Variants in CELSR1 observed in about 807,000 individuals in gnomAD.
CELSR1 encodes the protein adhesion G protein-coupled receptor C1.
A neutral mutation model predicts 249.1 loss-of-function variants in CELSR1; 110 were observed. That is an observed-to-expected ratio of 0.44 (90% CI 0.38 to 0.52). The LOEUF (loss-of-function observed/expected upper bound fraction) is 0.52. Among genes scored for constraint, CELSR1 ranks in the 20% least tolerant of loss-of-function variants. The pLI is 0.00. For missense variants in CELSR1, 4,109 were observed against 4,296.4 expected (o/e 0.96, Z 1.22); for synonymous variants, 2,113 against 1,900.0 (o/e 1.11, Z -2.92).
rs1178154086 is a variant in CELSR1, at chr22:46,472,442, T to C, written c.3545-8097A>G. On this transcript the variant is annotated intron_variant, in intron 1 of 34. Transcript: ENST00000674500. The surrounding 1 kb of genome is among the most constrained non-coding windows in gnomAD (Gnocchi z 7.0). ...ACAGTGCCGCAGTTCCGAGACTCGGTGGCAGGTGATTGGCGGCTGTGGGTG... is the reference window on the plus strand; with the variant it reads ...ACAGTGCCGCAGTTCCGAGACTCGGCGGCAGGTGATTGGCGGCTGTGGGTG... Among the ~76,000 whole-genome samples, 2 of 151,970 alleles carry C rather than the reference T, an allele frequency of 1.3e-5. No homozygotes were observed. The highest frequency in any genetic ancestry group is 1.5e-5 in the Non-Finnish European group (1 of 67,992).
intron 25 of CELSR1, chr22:46,370,044 G>T (rs1397255014): frequency 3.3e-6 from 2 of 603,504 alleles, no homozygotes; most frequent in Admixed American, 4.3e-5. Flanking sequence ...TGAGGCAGGG[G>T]GCGTATCTGG....
chr22:46,450,906 G>A (rs1299865596), intron 2 of CELSR1, among the ~76,000 whole-genome samples: 1 of 152,238 alleles, frequency 6.6e-6, no homozygotes, highest in Non-Finnish European at 1.5e-5. Context: ...ACAGGCTGAT[G>A]TGAGTGAAAC....
In CELSR1 at chr22:46,513,952, AC is replaced by A. The variant is rs571357348; in HGVS notation, c.3544+19674del. Among the ~76,000 whole-genome samples the A allele has an allele frequency of 2.3e-3, 355 of 151,688 alleles. 1 individual carries two copies. Among genetic ancestry groups the A allele is most frequent in the African/African-American group, 8.2e-3 (339 of 41,314 alleles). ...TGGGACTACAGGTGCACGCATCCAC[AC>A]CCAGCTAATTTTTGTATTCTTAGTA... On this transcript the variant is annotated intron_variant, in intron 1 of 34. Transcript: ENST00000674500.
intron 33 of CELSR1, 90 bp from the exon 34 acceptor site, chr22:46,364,341 C>T: frequency 6.5e-7 from 1 of 1,549,670 alleles, no homozygotes; most frequent in South Asian, 1.2e-5. Flanking sequence ...GCCTCAGCCC[C>T]TGTCCTTCCT....
chr22:46,472,395 G>A lies in CELSR1; in HGVS notation c.3545-8050C>T, dbSNP rs1477479765. Among the ~76,000 whole-genome samples the A allele has an allele frequency of 6.6e-6, 1 of 152,202 alleles. No homozygotes were observed. The highest frequency in any genetic ancestry group is 6.5e-5 in the Admixed American group (1 of 15,282). On this transcript the variant is annotated intron_variant, in intron 1 of 34. Transcript: ENST00000674500. The surrounding 1 kb of genome is among the most constrained non-coding windows in gnomAD (Gnocchi z 7.0). ...GTCACATCATGGCCCTCAAGGAGCA[G>A]GCAGCCCTCAGGGGACAGGGGACAG... is the stretch of plus-strand genomic sequence containing the variant.
chr22:46,504,973 C>T (rs1222606892), intron 1 of CELSR1, among the ~76,000 whole-genome samples: 1 of 152,152 alleles, frequency 6.6e-6, no homozygotes, highest in African/African-American at 2.4e-5. Flanking sequence ...CTCAAAAGAG[C>T]AAGGAAAGGC....
chr22:46,410,605 G>C lies in CELSR1; in HGVS notation c.4770-44C>G, dbSNP rs375429921. ...CTTCTGTGACGTCAGGGCGGGGAGA[G>C]GCGGCCACGGCGGGCTGGGCTCCGC... On this transcript the variant is annotated intron_variant, in intron 6 of 34. Transcript: ENST00000674500. The surrounding 1 kb of genome is among the most constrained non-coding windows in gnomAD (Gnocchi z 6.8). The C allele has an allele frequency of 4.6e-5, 74 of 1,596,250 alleles. No individual in the cohort carries two copies. Among genetic ancestry groups the C allele is most frequent in the Middle Eastern group, 1.7e-4 (1 of 6,020 alleles).
Position 46,423,758 on chromosome 22 carries a change from G to C in CELSR1, c.4611+9635C>G, listed in dbSNP as rs2079506265. 6.6e-6 allele frequency among the ~76,000 whole-genome samples: 1 copy of C among 151,920 alleles called. No homozygotes were observed. Reference sequence around the variant, plus strand: ...AGGCTGAGGCAGTTGGATCACCTGAGGTCAGGAGTTCGAGACCAGCCTGGC... The same window carrying C: ...AGGCTGAGGCAGTTGGATCACCTGACGTCAGGAGTTCGAGACCAGCCTGGC... On this transcript the variant is annotated intron_variant, in intron 5 of 34. Transcript: ENST00000674500. The surrounding 1 kb of genome is among the most constrained non-coding windows in gnomAD (Gnocchi z 5.6).
intron 9 of CELSR1, among the ~76,000 whole-genome samples, chr22:46,403,221 C>T (rs2079226535): frequency 6.6e-6 from 1 of 152,038 alleles, no homozygotes; most frequent in Admixed American, 6.6e-5. Flanking sequence ...TAACTTCTCT[C>T]AGTAAGTGAG....
chr22:46,427,604 T>C lies in CELSR1; in HGVS notation c.4611+5789A>G, dbSNP rs770601122. Among the ~76,000 whole-genome samples the C allele has an allele frequency of 1.3e-5, 2 of 152,126 alleles. No homozygotes were observed. Among genetic ancestry groups the C allele is most frequent in the Non-Finnish European group, 2.9e-5 (2 of 68,020 alleles). ...CTAGTAACAAGATCCTGGGAGCTCC[T>C]CCCCTCATCACCGCACAGAACCCCA... On this transcript the variant is annotated intron_variant, in intron 5 of 34. Transcript: ENST00000674500. This position sits in a 1 kb window ranked among gnomAD's most constrained non-coding sequence, Gnocchi z 4.2.
At chr22:46,416,297 C>T (rs142696025) in intron 5 of CELSR1, among the ~76,000 whole-genome samples, 6 of 152,354 alleles carry the variant, frequency 3.9e-5, no homozygotes, top group African/African-American at 9.6e-5. Flanking sequence ...AAGGCCAGCA[C>T]GGTGGAGGCC....
intron 1 of CELSR1, among the ~76,000 whole-genome samples, chr22:46,495,708 T>C (rs1329735356): frequency 1.3e-5 from 2 of 152,022 alleles, no homozygotes; most frequent in Non-Finnish European, 2.9e-5. Context: ...CCCAGCTACT[T>C]GGAGGCTGAG....
intron 1 of CELSR1, among the ~76,000 whole-genome samples, chr22:46,507,434 C>T (rs540946839): frequency 9.9e-5 from 15 of 152,124 alleles, no homozygotes; most frequent in East Asian, 5.8e-4. Flanking sequence ...CACAGCACCC[C>T]GAGCAGCTGC....
At position 46,409,004 on chromosome 22, in the gene CELSR1, G is replaced by A. The variant is rs150965232; in HGVS notation, c.5218C>T (p.Arg1740Cys). ...CACGGGGCCCCAGTCACCTGGAGGC[G>A]AAAGCTGGTGGGCCCACCACTGGTG... The part of the protein sequence containing the change: ...EATSGGPTSF[R>C]LQILNNYLQF... The change falls in exon 9 of 35, where the codon CGC becomes TGC. Residue 1740 changes from arginine (R) to cysteine (C), a missense_variant. Coordinates refer to ENST00000674500, the MANE Select transcript of CELSR1 (RefSeq NM_001378328.1). The surrounding 1 kb of genome is among the most constrained non-coding windows in gnomAD (Gnocchi z 9.8). 8.0e-5 allele frequency: 128 copies of A among 1,606,630 alleles called. No homozygotes were observed. Among genetic ancestry groups the A allele is most frequent in the Non-Finnish European group, 5.6e-5 (66 of 1,177,326 alleles).
At position 46,523,527 on chromosome 22, in the gene CELSR1, C is replaced by CAAATAAATAAATAAATAAATAAAT. The variant is rs35618954; in HGVS notation, c.3544+10076_3544+10099dup. ...TGGGTGCCAGAGTGAGACTCTGTCT[C>CAAATAAATAAATAAATAAATAAAT]AAATAAATAAATAAATAAATAAATA... On this transcript the variant is annotated intron_variant, in intron 1 of 34. Coordinates refer to ENST00000674500, the MANE Select transcript of CELSR1 (RefSeq NM_001378328.1). Among the ~76,000 whole-genome samples the CAAATAAATAAATAAATAAATAAAT allele has an allele frequency of 4.6e-4, 66 of 143,602 alleles. 1 individual carries two copies. The highest frequency in any genetic ancestry group is 1.5e-3 in the African/African-American group (56 of 36,920). The allele number at this position is 143,602 out of a possible 152,430, so 94.2% of individuals were successfully genotyped here. A position where few individuals can be genotyped will look rare whatever the true frequency, so the allele number is the denominator to read the frequency against.
chr22:46,422,769 A>AG (rs2079491983), intron 5 of CELSR1, among the ~76,000 whole-genome samples: 1 of 150,926 alleles, frequency 6.6e-6, no homozygotes, highest in African/African-American at 2.4e-5. Context: ...TCCATCTCAA[A>AG]AAAAAAAAAA....
chr22:46,362,003 A>C lies in CELSR1; in HGVS notation c.*1220T>G, dbSNP rs1602013005. On this transcript the variant is annotated 3_prime_UTR_variant, in exon 35 of 35. Coordinates refer to ENST00000674500, the MANE Select transcript of CELSR1 (RefSeq NM_001378328.1). ...GCTTTGTCCCTCTGCACAATTGGCC[A>C]TTTGAAGCAAAATGAAGTAATTGGT... is the stretch of plus-strand genomic sequence containing the variant. 1 of 152,222 alleles carries C rather than the reference A, an allele frequency of 6.6e-6. No individual in the cohort carries two copies. The highest frequency in any genetic ancestry group is 6.5e-5 in the Admixed American group (1 of 15,286). 9.4% of individuals were successfully genotyped at this position (152,222 alleles called of 1,614,324 possible).
At chr22:46,460,114 T>TGC (rs1023582669) in intron 2 of CELSR1, among the ~76,000 whole-genome samples, 17 of 151,920 alleles carry the variant, frequency 1.1e-4, no homozygotes, top group African/African-American at 3.9e-4. Flanking sequence ...AGGCAGAGGT[T>TGC]GCGGTGAGCT....
intron 1 of CELSR1, among the ~76,000 whole-genome samples, chr22:46,509,789 G>T (rs142059683): frequency 2.0e-4 from 31 of 152,262 alleles, no homozygotes; most frequent in Non-Finnish European, 3.5e-4. Flanking sequence ...GGCTGTGGGG[G>T]TCAACAGGGT....
Sources: gnomAD v4.1 joint callset for allele counts (sites outside exome capture counted in the v4.1 genomes callset) on GRCh38, gnomAD v4.1.1 for gene constraint, Gnocchi (gnomAD v3.1) non-coding constraint, MANE v1.5 for transcripts, NCBI Gene and HGNC (gene_info 2026-07-23, HGNC 2026-07-21) for gene names.